Variants in LRIG2 observed in about 807,000 individuals in gnomAD.
LRIG2 encodes leucine rich repeats and immunoglobulin like domains 2, also known as leucine-rich repeats and immunoglobulin-like domains protein 2.
Under a neutral mutation model 107.8 loss-of-function variants are expected in LRIG2, and 93 were observed. That is an observed-to-expected ratio of 0.86 (90% confidence interval 0.73 to 1.03). The LOEUF (loss-of-function observed/expected upper bound fraction) is 1.03. LRIG2 is among the 50% of genes least tolerant of loss of function. LRIG2 has a pLI of 0.00. For synonymous variants in LRIG2, 471 were observed against 470.6 expected (o/e 1.00, Z -0.01); for missense variants, 1,226 against 1,296.0 (o/e 0.95, Z 0.83).
In LRIG2 at chr1:113,075,275, C is replaced by T. The variant is rs371432792; in HGVS notation, c.239+1630C>T. On this transcript the variant is annotated intron_variant, in intron 1 of 17. Coordinates refer to ENST00000361127, the MANE Select transcript of LRIG2 (RefSeq NM_014813.3). Reference sequence around the variant, plus strand: ...AGTGCAATTAAAATATGAGAGGCTGCTTGGATTTTTATTGGAAATAGAATA... The same window carrying T: ...AGTGCAATTAAAATATGAGAGGCTGTTTGGATTTTTATTGGAAATAGAATA... 4.6e-5 allele frequency among the ~76,000 whole-genome samples: 7 copies of T among 151,838 alleles called. No individual in the cohort carries two copies. The East Asian group carries it at 5.8e-4, about 13-fold the overall frequency.
chr1:113,127,385 T>TCA lies in LRIG2; in HGVS notation c.*3284_*3285insCA, dbSNP rs1655521482. ...CAGGCACACCACCATTTCCAGCTTT[T>TCA]TTTTTTTTTTTTTTTTTGATATTTT... On this transcript the variant is annotated 3_prime_UTR_variant, in exon 18 of 18. Transcript: ENST00000361127. The TCA allele has an allele frequency of 7.0e-6, 1 of 142,900 alleles. No individual in the cohort carries two copies. Among genetic ancestry groups the TCA allele is most frequent in the Non-Finnish European group, 1.5e-5 (1 of 65,096 alleles). 8.9% of individuals were successfully genotyped at this position (142,900 alleles called of 1,614,324 possible). A position where few individuals can be genotyped will look rare whatever the true frequency, so the allele number is the denominator to read the frequency against.
chr1:113,125,522 A>G lies in LRIG2; in HGVS notation c.*1421A>G, dbSNP rs1211577177. Reference sequence around the variant, plus strand: ...TTGAGGAAGGTTCAGTCATTCCTTCAGGAACCAATGAGTTAGATCGGGTTG... The same window carrying G: ...TTGAGGAAGGTTCAGTCATTCCTTCGGGAACCAATGAGTTAGATCGGGTTG... On this transcript the variant is annotated 3_prime_UTR_variant, in exon 18 of 18. Transcript: ENST00000361127. The G allele has an allele frequency of 6.6e-6, 1 of 152,116 alleles. No homozygotes were observed. The highest frequency in any genetic ancestry group is 2.4e-5 in the African/African-American group (1 of 41,408). The allele number at this position is 152,116 out of a possible 1,614,324, so 9.4% of individuals were successfully genotyped here.
At position 113,114,836 on chromosome 1, in the gene LRIG2, C is replaced by T. The variant is rs998909904; in HGVS notation, c.2490C>T (p.His830=). The T allele has an allele frequency of 4.3e-6, 7 of 1,613,022 alleles. No individual in the cohort carries two copies. Among genetic ancestry groups the T allele is most frequent in the African/African-American group, 2.7e-5 (2 of 74,892 alleles). The change falls in exon 15 of 18, where the codon CAC becomes CAT. Residue 830 remains histidine, a synonymous_variant. Transcript: ENST00000361127. The part of the protein sequence containing the change: ...TSLIWVIVIY[H]MRRKNEDYSI... Reference sequence around the variant, plus strand: ...TGATCTGGGTCATTGTTATTTACCACATGAGAAGGAAAAATGAAGACTATA... The same window carrying T: ...TGATCTGGGTCATTGTTATTTACCATATGAGAAGGAAAAATGAAGACTATA...
rs1207142852 is a variant in LRIG2, at chr1:113,094,615, A to G, written c.663A>G (p.Glu221=). Residue 221 remains glutamate, a synonymous_variant, in exon 6 of 18, where the codon GAA becomes GAG. Transcript: ENST00000361127. ...IFKLPHLQFL[E]LKRNRIKIVE... The stretch of plus-strand genomic sequence containing the variant: ...TGTAAAACTATTTTTGTTAAAGGGA[A>G]CTTAAAAGAAACAGAATTAAAATTG... 1.2e-6 allele frequency: 2 copies of G among 1,610,794 alleles called. No individual in the cohort carries two copies. The highest frequency in any genetic ancestry group is 1.3e-5 in the African/African-American group (1 of 74,812).
rs994372617 is a variant in LRIG2, at chr1:113,100,499, T to A, written c.1313+11T>A. Reference sequence around the variant, plus strand: ...TCATTTAAAAGAACTGTAAGTAACTTGTCTTTTTAAAATCACCAGTTGGAT... The same window carrying A: ...TCATTTAAAAGAACTGTAAGTAACTAGTCTTTTTAAAATCACCAGTTGGAT... On this transcript the variant is annotated intron_variant, in intron 11 of 17. Transcript: ENST00000361127. The A allele has an allele frequency of 3.4e-6, 5 of 1,449,546 alleles. No individual in the cohort carries two copies. Among genetic ancestry groups the A allele is most frequent in the Non-Finnish European group, 4.8e-6 (5 of 1,041,884 alleles). 89.8% of individuals were successfully genotyped at this position (1,449,546 alleles called of 1,614,324 possible).
intron 1 of LRIG2, among the ~76,000 whole-genome samples, chr1:113,082,737 T>C (rs1376679494): frequency 6.6e-6 from 1 of 152,164 alleles, no homozygotes; most frequent in Non-Finnish European, 1.5e-5. Flanking sequence ...CACTGCAACC[T>C]CCACCTCCCA....
chr1:113,073,637 C>G lies in LRIG2; in HGVS notation c.231C>G (p.Thr77=). 1 of 1,612,270 alleles carries G rather than the reference C, an allele frequency of 6.2e-7. No individual in the cohort carries two copies. Among genetic ancestry groups the G allele is most frequent in the Non-Finnish European group, 8.5e-7 (1 of 1,179,860 alleles). ...TGTCGGGCTTGCTGCCCCCCGACAC[C>G]GCTATCCTGTGAGTAGAGCGGCCAG... is the stretch of plus-strand genomic sequence containing the variant. ...RALSGLLPPD[T]AILDFSHNRL... The change falls in exon 1 of 18, where the codon ACC becomes ACG. Residue 77 remains threonine (T), a synonymous_variant. Transcript: ENST00000361127.
intron 13 of LRIG2, among the ~76,000 whole-genome samples, chr1:113,111,192 G>A (rs1055887196): frequency 1.1e-4 from 17 of 152,038 alleles, no homozygotes; most frequent in African/African-American, 3.4e-4. Context: ...TGCGCCACCA[G>A]GCCCATCTAA....
chr1:113,077,220 C>A (rs932136015), intron 1 of LRIG2, among the ~76,000 whole-genome samples: 1 of 152,038 alleles, frequency 6.6e-6, no homozygotes, highest in African/African-American at 2.4e-5. Flanking sequence ...TCTCGGCTCA[C>A]TGCAACCTCT....
intron 1 of LRIG2, among the ~76,000 whole-genome samples, chr1:113,084,012 A>G (rs1291554875): frequency 7.6e-6 from 1 of 131,166 alleles, no homozygotes; most frequent in Non-Finnish European, 1.7e-5. Context: ...TAATAATAAT[A>G]ATAATAATAA....
chr1:113,087,844 T>A (rs942096228), intron 1 of LRIG2, among the ~76,000 whole-genome samples: 12 of 152,200 alleles, frequency 7.9e-5, no homozygotes, highest in African/African-American at 2.9e-4. Flanking sequence ...GTAGAGTTGA[T>A]GTTGAATTTT....
At chr1:113,100,172 A>T in intron 9 of LRIG2, 39 bp from the exon 10 acceptor site, 1 of 1,224,494 alleles carries the variant, frequency 8.2e-7, no homozygotes, top group Non-Finnish European at 1.2e-6. Flanking sequence ...AATTTTGTTT[A>T]GTGGAGAGCT....
intron 1 of LRIG2, among the ~76,000 whole-genome samples, chr1:113,075,723 C>G (rs1456373049): frequency 1.6e-5 from 2 of 121,464 alleles, no homozygotes; most frequent in African/African-American, 6.2e-5. Context: ...GAGATGGAGT[C>G]GCGCTCTTGT....
intron 16 of LRIG2, among the ~76,000 whole-genome samples, 153 bp from the exon 17 acceptor site, chr1:113,119,080 A>G (rs1314178742): frequency 6.6e-6 from 1 of 152,238 alleles, no homozygotes; most frequent in Non-Finnish European, 1.5e-5. Flanking sequence ...TAATGAATCA[A>G]TTCACAGAAA....
In LRIG2 at chr1:113,110,458, T is replaced by TA; in HGVS notation, c.1695dup (p.His566ThrfsTer10). The TA allele has an allele frequency of 6.2e-7, 1 of 1,613,798 alleles. No homozygotes were observed. The highest frequency in any genetic ancestry group is 8.5e-7 in the Non-Finnish European group (1 of 1,179,616). On this transcript the variant is annotated frameshift_variant, in exon 13 of 18. Coordinates refer to ENST00000361127, the MANE Select transcript of LRIG2 (RefSeq NM_014813.3). LOFTEE classifies it high-confidence loss of function. ...GAAGCTCTGGAATATACTAGTATCT[T>TA]ACATCTTTTCAATGTGAATTTCACA...
At chr1:113,085,786 T>C (rs928846268) in intron 1 of LRIG2, among the ~76,000 whole-genome samples, 1 of 152,140 alleles carries the variant, frequency 6.6e-6, no homozygotes, top group African/African-American at 2.4e-5. Flanking sequence ...AAAAGTTAAG[T>C]AGCCTGTTAC....
intron 11 of LRIG2, among the ~76,000 whole-genome samples, chr1:113,105,730 C>G (rs771937048): frequency 6.6e-6 from 1 of 152,050 alleles, no homozygotes; most frequent in Non-Finnish European, 1.5e-5. Context: ...CTGGGCAACA[C>G]AGCAAGTTCC....
chr1:113,116,684 A>G (rs1200910697), intron 16 of LRIG2, among the ~76,000 whole-genome samples: 1 of 152,232 alleles, frequency 6.6e-6, no homozygotes, highest in Non-Finnish European at 1.5e-5. Flanking sequence ...AAACTTGTGT[A>G]ATTATAGGAA....
chr1:113,132,212 C>T lies in LRIG2; in HGVS notation c.*8111C>T, dbSNP rs1655721661. 6.6e-6 allele frequency: 1 copy of T among 151,984 alleles called. No homozygotes were observed. Among genetic ancestry groups the T allele is most frequent in the Non-Finnish European group, 1.5e-5 (1 of 67,944 alleles). The allele number at this position is 151,984 out of a possible 1,614,324, so 9.4% of individuals were successfully genotyped here. ...ATTTTATAGAGCATGTGTTTGTCTA[C>T]TTGTTTGTCTACTATAATATGTCTT... On this transcript the variant is annotated 3_prime_UTR_variant, in exon 18 of 18. Transcript: ENST00000361127.
Sources: gnomAD v4.1 joint callset for allele counts (sites outside exome capture counted in the v4.1 genomes callset) on GRCh38, gnomAD v4.1.1 for gene constraint, MANE v1.5 for transcripts, NCBI Gene and HGNC (gene_info 2026-07-23, HGNC 2026-07-21) for gene names.